The following SNX4 variants were observed in gnomAD, a reference collection of about 807,000 sequenced individuals.
The protein encoded by SNX4 is sorting nexin 4.
In SNX4, 49 loss-of-function variants were observed where a neutral mutation model predicts 70.8. The ratio of observed to expected loss-of-function variants is 0.69; its 90% CI spans 0.55 to 0.88. The LOEUF is 0.88. Among genes scored for constraint, SNX4 ranks in the 40% least tolerant of loss-of-function variants. The pLI is 0.00. For missense variants in SNX4, 528 were observed against 544.8 expected (o/e 0.97, Z 0.31); for synonymous variants, 206 against 183.8 (o/e 1.12, Z -0.98).
At chr3:125,488,955 T>C (rs1934593885) in intron 6 of SNX4, among the ~76,000 whole-genome samples, 1 of 152,208 alleles carries the variant, frequency 6.6e-6, no homozygotes, top group Non-Finnish European at 1.5e-5. Flanking sequence ...ATGGAAATGC[T>C]CTCACAAATA....
At chr3:125,452,616 C>T (rs1933603469) in intron 12 of SNX4, among the ~76,000 whole-genome samples, 1 of 151,726 alleles carries the variant, frequency 6.6e-6, no homozygotes, top group Non-Finnish European at 1.5e-5. Context: ...AATTAAAATC[C>T]CGAGAGGTAT....
chr3:125,481,942 G>A (rs140373337), intron 6 of SNX4, among the ~76,000 whole-genome samples: 1 of 151,856 alleles, frequency 6.6e-6, no homozygotes, highest in East Asian at 1.9e-4. Flanking sequence ...TTGGAATGCA[G>A]TGGCTTGATC....
chr3:125,516,148 T>C (rs1935273781), intron 1 of SNX4, among the ~76,000 whole-genome samples: 1 of 152,120 alleles, frequency 6.6e-6, no homozygotes. Context: ...TCCCTAAAAA[T>C]CACTTATGAA....
At chr3:125,457,199 G>A in intron 11 of SNX4, 67 bp downstream of exon 11, 2 of 1,095,174 alleles carry the variant, frequency 1.8e-6, no homozygotes, top group Non-Finnish European at 2.8e-6. Context: ...CTCACTCAGA[G>A]TGAGTGCTTG....
intron 6 of SNX4, among the ~76,000 whole-genome samples, chr3:125,485,484 G>C (rs935362811): frequency 3.3e-5 from 5 of 152,022 alleles, no homozygotes; most frequent in Admixed American, 3.3e-4. Context: ...TTTTGGTAGA[G>C]ACAGGGTTTC....
At chr3:125,513,120 G>C (rs1018497225) in intron 1 of SNX4, among the ~76,000 whole-genome samples, 5 of 152,202 alleles carry the variant, frequency 3.3e-5, no homozygotes, top group African/African-American at 1.2e-4. Context: ...GATGGTATTA[G>C]GAGGTGGGGC....
At chr3:125,460,293 A>T (rs1343878494) in intron 10 of SNX4, among the ~76,000 whole-genome samples, 1 of 152,162 alleles carries the variant, frequency 6.6e-6, no homozygotes, top group Non-Finnish European at 1.5e-5. Context: ...AGAAAAAAAT[A>T]TATTAACTTT....
chr3:125,489,142 T>C (rs929702943), intron 6 of SNX4, among the ~76,000 whole-genome samples: 1 of 152,172 alleles, frequency 6.6e-6, no homozygotes, highest in Non-Finnish European at 1.5e-5. Flanking sequence ...TAAAATTACT[T>C]TTCTCATTTT....
In SNX4 at chr3:125,513,489, G is replaced by A. The variant is rs554092316; in HGVS notation, c.141+6543C>T. ...AGTTTTTAAAGTTGTTTGGCATATG[G>A]CAAGAGCTCAAGTATTACTTTTCCG... On this transcript the variant is annotated intron_variant, in intron 1 of 13. Transcript: ENST00000251775. Among the ~76,000 whole-genome samples, 10 of 152,264 alleles carry A rather than the reference G, an allele frequency of 6.6e-5. No homozygotes were observed. In the East Asian group the frequency reaches 1.9e-3, roughly 29 times the overall value.
At chr3:125,492,838 A>G (rs1168746865) in intron 5 of SNX4, among the ~76,000 whole-genome samples, 1 of 152,168 alleles carries the variant, frequency 6.6e-6, no homozygotes, top group African/African-American at 2.4e-5. Context: ...TTCCTGTGCA[A>G]TAACAAGATT....
intron 2 of SNX4, among the ~76,000 whole-genome samples, chr3:125,500,499 C>T (rs4284935): frequency 0.54 from 82,220 of 151,770 alleles, 23,915 homozygotes; most frequent in African/African-American, 0.77. Context: ...TCCTGTTTAA[C>T]TTTAAACTTA....
chr3:125,453,673 G>A (rs1933634843), intron 12 of SNX4, 137 bp downstream of exon 12: 1 of 757,160 alleles, frequency 1.3e-6, no homozygotes, highest in Admixed American at 3.2e-5. Flanking sequence ...TCTTAGGAAT[G>A]CATTTTAAAG....
chr3:125,502,937 T>A (rs1226686145), intron 2 of SNX4, among the ~76,000 whole-genome samples: 1 of 151,820 alleles, frequency 6.6e-6, no homozygotes, highest in African/African-American at 2.4e-5. Flanking sequence ...TTTTTCTTTT[T>A]TTGAGACAGC....
chr3:125,451,824 A>G (rs1250410889), intron 12 of SNX4, among the ~76,000 whole-genome samples: 1 of 151,954 alleles, frequency 6.6e-6, no homozygotes, highest in Non-Finnish European at 1.5e-5. Context: ...ACAGGGTTTC[A>G]CCATGTTGGC....
rs139057064 is a variant in SNX4 at position 125,484,336 on chromosome 3, C to A, written c.654-4017G>T. Among the ~76,000 whole-genome samples the A allele has an allele frequency of 5.7e-3, 863 of 152,322 alleles. 8 individuals carry two copies. Among genetic ancestry groups the A allele is most frequent in the Middle Eastern group, 0.027 (8 of 294 alleles). On this transcript the variant is annotated intron_variant, in intron 6 of 13. Coordinates refer to ENST00000251775, the MANE Select transcript of SNX4 (RefSeq NM_003794.4). ...GTGGCACGATCTTGGCTCACTGCAA[C>A]CTCTGCCCCTTGAGTTCAAGTGATT...
At chr3:125,452,187 C>T (rs916220165) in intron 12 of SNX4, among the ~76,000 whole-genome samples, 10 of 151,704 alleles carry the variant, frequency 6.6e-5, no homozygotes, top group African/African-American at 2.2e-4. Context: ...CTCACCACAA[C>T]CTCCACATCC....
intron 6 of SNX4, among the ~76,000 whole-genome samples, chr3:125,486,189 A>G (rs956843696): frequency 3.0e-4 from 45 of 152,244 alleles, no homozygotes; most frequent in African/African-American, 1.1e-3. Context: ...AAGAAAACTC[A>G]CTATATAGAT....
intron 8 of SNX4, among the ~76,000 whole-genome samples, chr3:125,476,265 C>CAAAA (rs749425097): frequency 8.5e-5 from 4 of 46,806 alleles, no homozygotes; most frequent in Non-Finnish European, 1.3e-4. Context: ...GACTCCATCT[C>CAAAA]AAAAAAAAAA....
chr3:125,475,836 AG>A (rs1373929582), intron 8 of SNX4, among the ~76,000 whole-genome samples: 5 of 152,084 alleles, frequency 3.3e-5, no homozygotes, highest in African/African-American at 7.2e-5. Context: ...AAAGTAGCAG[AG>A]CATGGTGATG....
Sources: allele counts gnomAD v4.1 joint callset (sites outside exome capture counted in the v4.1 genomes callset), GRCh38; gene constraint gnomAD v4.1.1; transcripts MANE v1.5; gene names NCBI Gene and HGNC (gene_info 2026-07-23, HGNC 2026-07-21).